The following GRIK2 variants were observed in gnomAD, a reference collection of about 807,000 sequenced individuals.
The protein encoded by GRIK2 is glutamate ionotropic receptor kainate type subunit 2, also known as glutamate receptor ionotropic, kainate 2.
A neutral mutation model predicts 100.3 loss-of-function variants in GRIK2; 32 were observed. The ratio of observed to expected loss-of-function variants is 0.32; its 90% CI spans 0.24 to 0.43. The LOEUF (loss-of-function observed/expected upper bound fraction) is 0.43, where lower values mean the gene tolerates loss of function less well. Ranked by LOEUF, GRIK2 falls within the 20% of genes least tolerant of loss-of-function variation. The probability of loss-of-function intolerance (pLI) is 1.00; values close to 1 mark genes in which losing one functional copy is unlikely to be tolerated. For missense variants in GRIK2, 843 were observed against 1,114.9 expected (o/e 0.76, Z 3.47); for synonymous variants, 417 against 389.4 (o/e 1.07, Z -0.83).
intron 4 of GRIK2, among the ~76,000 whole-genome samples, chr6:101,627,883 CAG>C (rs1375425098): frequency 1.3e-5 from 2 of 152,018 alleles, no homozygotes; most frequent in African/African-American, 4.8e-5. Context: ...AAACAAGTCT[CAG>C]AGAAATACAA....
chr6:101,867,797 G>A (rs973646388), intron 11 of GRIK2, among the ~76,000 whole-genome samples: 1 of 150,786 alleles, frequency 6.6e-6, no homozygotes, highest in African/African-American at 2.4e-5. Flanking sequence ...TTGCTGTGAT[G>A]TATTCTGAGA....
At chr6:101,909,453 G>A (rs1788505354) in intron 12 of GRIK2, among the ~76,000 whole-genome samples, 1 of 137,068 alleles carries the variant, frequency 7.3e-6, no homozygotes, top group African/African-American at 2.7e-5. Flanking sequence ...AGTTGGAACA[G>A]TTCTATTTGT....
At chr6:101,910,220 A>G (rs1788577416) in intron 12 of GRIK2, among the ~76,000 whole-genome samples, 1 of 151,184 alleles carries the variant, frequency 6.6e-6, no homozygotes, top group Non-Finnish European at 1.5e-5. Context: ...TATATGCTAA[A>G]CAGTTTAGTC....
At chr6:101,887,491 T>TTTG (rs1786736002) in intron 11 of GRIK2, among the ~76,000 whole-genome samples, 1 of 55,266 alleles carries the variant, frequency 1.8e-5, no homozygotes, top group Non-Finnish European at 4.0e-5. Context: ...ACTACTACTT[T>TTTG]ATGTTCATTT....
chr6:101,929,492 A>G (rs960730013), intron 14 of GRIK2, among the ~76,000 whole-genome samples: 1 of 152,084 alleles, frequency 6.6e-6, no homozygotes, highest in African/African-American at 2.4e-5. Flanking sequence ...TAAAAAAATG[A>G]TTAATTCAAG....
intron 11 of GRIK2, among the ~76,000 whole-genome samples, chr6:101,885,676 C>A (rs1786561973): frequency 6.6e-6 from 1 of 151,960 alleles, no homozygotes; most frequent in Non-Finnish European, 1.5e-5. Context: ...GCAAACACAG[C>A]AAAGTTGTTT....
At chr6:101,835,128 T>C (rs1297424914) in intron 10 of GRIK2, among the ~76,000 whole-genome samples, 2 of 152,254 alleles carry the variant, frequency 1.3e-5, no homozygotes, top group Non-Finnish European at 2.9e-5. Context: ...ATTCCATTCA[T>C]TTATTGCCTG....
At chr6:101,861,843 T>C (rs1367118423) in intron 11 of GRIK2, among the ~76,000 whole-genome samples, 1 of 152,046 alleles carries the variant, frequency 6.6e-6, no homozygotes. Flanking sequence ...TAAGAGAAAA[T>C]ACATACAAAT....
chr6:101,715,419 A>G (rs1290783208), intron 7 of GRIK2, among the ~76,000 whole-genome samples: 1 of 151,764 alleles, frequency 6.6e-6, no homozygotes, highest in African/African-American at 2.4e-5. Context: ...TCCCTGGCAG[A>G]CAGGAGGAAA....
chr6:101,888,057 A>T (rs1251091425), intron 11 of GRIK2, among the ~76,000 whole-genome samples: 3 of 152,128 alleles, frequency 2.0e-5, no homozygotes, highest in African/African-American at 7.2e-5. Context: ...TCTGCACTCT[A>T]CACCTGAACC....
chr6:101,826,590 C>T (rs2128425899), intron 10 of GRIK2, among the ~76,000 whole-genome samples: 1 of 152,102 alleles, frequency 6.6e-6, no homozygotes, highest in African/African-American at 2.4e-5. Flanking sequence ...CTAATAGGTA[C>T]AGTCTCCTTT....
intron 2 of GRIK2, among the ~76,000 whole-genome samples, chr6:101,506,176 C>T (rs1375739873): frequency 6.6e-6 from 1 of 152,138 alleles, no homozygotes; most frequent in Non-Finnish European, 1.5e-5. Context: ...CTGGCTTTAA[C>T]ATCCACTAGC....
intron 12 of GRIK2, among the ~76,000 whole-genome samples, chr6:101,909,533 G>GA (rs1262048392): frequency 6.6e-6 from 1 of 150,852 alleles, no homozygotes; most frequent in East Asian, 1.9e-4. Context: ...ATAGCTCAAA[G>GA]AAATGAGTAG....
At chr6:102,021,954 C>CG in intron 14 of GRIK2, among the ~76,000 whole-genome samples, 1 of 119,076 alleles carries the variant, frequency 8.4e-6, no homozygotes, top group South Asian at 2.6e-4. Flanking sequence ...CTGATACATT[C>CG]GGAAAAAAAA....
chr6:101,549,405 T>TA (rs1284079026), intron 2 of GRIK2, among the ~76,000 whole-genome samples: 1 of 152,110 alleles, frequency 6.6e-6, no homozygotes, highest in Non-Finnish European at 1.5e-5. Flanking sequence ...GGTTTTATGT[T>TA]AGTTCATGGT....
At chr6:101,559,900 T>C (rs1023120462) in intron 2 of GRIK2, among the ~76,000 whole-genome samples, 8 of 152,114 alleles carry the variant, frequency 5.3e-5, no homozygotes, top group African/African-American at 1.9e-4. Flanking sequence ...GATATGATGA[T>C]AGAAGAAAGT....
At chr6:101,576,237 T>C (rs1390103363) in intron 2 of GRIK2, among the ~76,000 whole-genome samples, 3 of 151,982 alleles carry the variant, frequency 2.0e-5, no homozygotes, top group African/African-American at 7.2e-5. Context: ...TCAGCAGGTA[T>C]TGGCAGTGGG....
intron 2 of GRIK2, among the ~76,000 whole-genome samples, chr6:101,475,810 G>A (rs1201694256): frequency 6.6e-6 from 1 of 152,084 alleles, no homozygotes; most frequent in East Asian, 1.9e-4. Flanking sequence ...TGAGTGGAAT[G>A]TAAGAAGATA....
chr6:101,939,687 T>C (rs1444998829), intron 14 of GRIK2, among the ~76,000 whole-genome samples: 5 of 152,116 alleles, frequency 3.3e-5, no homozygotes, highest in Non-Finnish European at 5.9e-5. Context: ...AGTTCCATGG[T>C]CACAGCAAAA....
Sources: allele counts gnomAD v4.1 joint callset (sites outside exome capture counted in the v4.1 genomes callset), GRCh38; gene constraint gnomAD v4.1.1; transcripts MANE v1.5; gene names NCBI Gene and HGNC (gene_info 2026-07-23, HGNC 2026-07-21).